TJP1: variants seen among roughly 807,000 people sequenced by gnomAD.
TJP1 encodes the protein tight junction protein ZO-1.
Under a neutral mutation model 194.2 loss-of-function variants are expected in TJP1, and 43 were observed. The observed-to-expected ratio is 0.22, with a 90% CI of 0.17 to 0.29. The LOEUF (loss-of-function observed/expected upper bound fraction) is 0.29. Ranked by LOEUF, TJP1 falls within the 10% of genes least tolerant of loss-of-function variation. The pLI is 1.00. For synonymous variants in TJP1, 801 were observed against 779.0 expected, an observed-to-expected ratio of 1.03 and a Z score of -0.47; for missense variants, 1,971 against 2,185.7, an observed-to-expected ratio of 0.90 and a Z score of 1.96.
intron 18 of TJP1, among the ~76,000 whole-genome samples, chr15:29,725,724 G>A (rs147620296): frequency 5.9e-5 from 9 of 152,310 alleles, no homozygotes; most frequent in African/African-American, 2.2e-4. Context: ...CCATTTGGAC[G>A]TATAGAAAAC....
chr15:29,886,848 T>C (rs1240410480), intron 2 of TJP1, among the ~76,000 whole-genome samples: 2 of 151,676 alleles, frequency 1.3e-5, no homozygotes, highest in African/African-American at 4.8e-5. Flanking sequence ...GACTAAAACC[T>C]GTTAGATAAA....
At chr15:29,824,385 A>G (rs143735299), upstream of TJP1, among the ~76,000 whole-genome samples, 8 of 151,656 alleles carry the variant, frequency 5.3e-5, no homozygotes, top group South Asian at 2.1e-4. Context: ...GGAGGTTGCA[A>G]TGAGCTGAGA....
intron 1 of TJP1, among the ~76,000 whole-genome samples, chr15:29,814,478 A>T (rs887349894): frequency 2.0e-5 from 3 of 152,208 alleles, no homozygotes; most frequent in Admixed American, 2.0e-4. Flanking sequence ...ATACTAAATT[A>T]AGTGAGCTAA....
At chr15:29,801,703 C>T (rs1306007904) in intron 1 of TJP1, among the ~76,000 whole-genome samples, 3 of 151,590 alleles carry the variant, frequency 2.0e-5, no homozygotes, top group East Asian at 1.9e-4. Flanking sequence ...CCTCCTGATC[C>T]GCCCGCCTCG....
intron 22 of TJP1, among the ~76,000 whole-genome samples, chr15:29,717,384 T>C (rs994298792): frequency 1.3e-5 from 2 of 152,218 alleles, no homozygotes; most frequent in Non-Finnish European, 2.9e-5. Context: ...AGTGCAAACA[T>C]ATATTCAGTC....
intron 15 of TJP1, chr15:29,728,588 C>T (rs991590253): frequency 6.5e-6 from 1 of 153,146 alleles, no homozygotes; most frequent in African/African-American, 2.4e-5. Context: ...CAGCCTATGG[C>T]TTCATCCTGG....
chr15:29,701,833 C>T (rs1329918633), intron 27 of TJP1, 144 bp from the exon 28 acceptor site: 5 of 620,522 alleles, frequency 8.1e-6, no homozygotes, highest in Non-Finnish European at 1.4e-5. Context: ...AAACACATTG[C>T]TGTATTTCAA....
At chr15:29,932,424 T>A (rs1418764518) in intron 2 of TJP1, among the ~76,000 whole-genome samples, 4 of 152,090 alleles carry the variant, frequency 2.6e-5, no homozygotes, top group Non-Finnish European at 4.4e-5. Context: ...CAACTGGTAA[T>A]CCACATTGAA....
chr15:29,751,537 T>C (rs1355648642), intron 8 of TJP1, among the ~76,000 whole-genome samples: 1 of 152,242 alleles, frequency 6.6e-6, no homozygotes, highest in Non-Finnish European at 1.5e-5. Context: ...TTCATGGATA[T>C]GGACAACTTT....
intron 1 of TJP1, among the ~76,000 whole-genome samples, chr15:29,818,853 G>A (rs1271533120): frequency 6.6e-6 from 1 of 151,648 alleles, no homozygotes; most frequent in African/African-American, 2.4e-5. Context: ...AGCTCACTTT[G>A]TCGCCCAGGC....
intron 1 of TJP1, among the ~76,000 whole-genome samples, chr15:29,801,489 T>C (rs2048780843): frequency 6.9e-6 from 1 of 144,718 alleles, no homozygotes. Context: ...TGAGACGGAG[T>C]CTCGCTCTGT....
intron 1 of TJP1, among the ~76,000 whole-genome samples, chr15:29,801,087 A>T (rs1319513819): frequency 1.3e-5 from 2 of 152,372 alleles, no homozygotes; most frequent in East Asian, 3.9e-4. Context: ...ACGAAGGGAA[A>T]GTTAAATGCC....
At chr15:29,903,068 G>T (rs2053684059) in intron 2 of TJP1, among the ~76,000 whole-genome samples, 2 of 151,956 alleles carry the variant, frequency 1.3e-5, no homozygotes, top group Non-Finnish European at 2.9e-5. Flanking sequence ...AACAAAATGA[G>T]GCTGTTCCCA....
At chr15:29,943,314 A>G (rs1031516914) in intron 2 of TJP1, among the ~76,000 whole-genome samples, 10 of 152,224 alleles carry the variant, frequency 6.6e-5, no homozygotes, top group African/African-American at 2.4e-4. Flanking sequence ...TACAAGTTAT[A>G]GTTTTGGCTT....
At chr15:29,773,157 T>C (rs1293248598) in intron 3 of TJP1, 76 bp downstream of exon 3, 2 of 1,559,206 alleles carry the variant, frequency 1.3e-6, no homozygotes, top group East Asian at 2.3e-5. Flanking sequence ...ACTAAGACAG[T>C]GTAAGACAGT....
chr15:29,901,574 C>G (rs757998177), intron 2 of TJP1, among the ~76,000 whole-genome samples: 7 of 152,170 alleles, frequency 4.6e-5, no homozygotes, highest in Non-Finnish European at 8.8e-5. Flanking sequence ...GTAATCCCAA[C>G]ACTTTGTGAG....
rs1338357507 is a variant in TJP1, at chr15:29,701,130, G to T, written c.*465C>A. 7 of 155,402 alleles carry T rather than the reference G, an allele frequency of 4.5e-5. No individual in the cohort carries two copies. The highest frequency in any genetic ancestry group is 1.7e-4 in the African/African-American group (7 of 41,462). The allele number at this position is 155,402 out of a possible 1,614,324, so 9.6% of individuals were successfully genotyped here. The stretch of plus-strand genomic sequence containing the variant: ...CATTTCTGTTAAATCCACAACACTG[G>T]TTATATATTCCAGGTGCATTTAAAA... On this transcript the variant is annotated 3_prime_UTR_variant, in exon 28 of 28. Coordinates refer to ENST00000614355, the MANE Select transcript of TJP1 (RefSeq NM_001330239.4).
chr15:29,755,261 TC>T (rs1170318871), intron 8 of TJP1, among the ~76,000 whole-genome samples: 5 of 152,208 alleles, frequency 3.3e-5, no homozygotes, highest in Non-Finnish European at 7.3e-5. Flanking sequence ...GTAAGTACAC[TC>T]TATGATGTTC....
At chr15:29,880,446 G>GT (rs889843087) in intron 2 of TJP1, among the ~76,000 whole-genome samples, 5 of 152,040 alleles carry the variant, frequency 3.3e-5, no homozygotes, top group Non-Finnish European at 2.9e-5. Context: ...GTTTTGCTTT[G>GT]TTTTTTGTGG....
Sources: allele counts gnomAD v4.1 joint callset (sites outside exome capture counted in the v4.1 genomes callset), GRCh38; gene constraint gnomAD v4.1.1; transcripts MANE v1.5; gene names NCBI Gene and HGNC (gene_info 2026-07-23, HGNC 2026-07-21).